SLC14A2: variants seen among roughly 807,000 people sequenced by gnomAD.
The protein encoded by SLC14A2 is urea transporter 2.
Under a neutral mutation model 104.6 loss-of-function variants are expected in SLC14A2, and 91 were observed. That is an observed-to-expected ratio of 0.87 (90% CI 0.73 to 1.04). SLC14A2 has a LOEUF of 1.04. SLC14A2 is among the 50% of genes least tolerant of loss of function. The pLI is 0.00. For missense variants in SLC14A2, 1,189 were observed against 1,156.0 expected, an observed-to-expected ratio of 1.03 and a Z score of -0.41; for synonymous variants, 476 against 466.4, an observed-to-expected ratio of 1.02 and a Z score of -0.27.
At chr18:45,414,749 AAAAAAAAAATATATAT>A (rs1160592919) in intron 1 of SLC14A2, among the ~76,000 whole-genome samples, 1 of 61,020 alleles carries the variant, frequency 1.6e-5, no homozygotes, top group African/African-American at 8.4e-5. Flanking sequence ...GAGCGTAAAA[AAAAAAAAAATATATAT>A]ATATATATAT....
chr18:45,505,510 T>A (rs2043268388), intron 2 of SLC14A2, among the ~76,000 whole-genome samples: 1 of 152,246 alleles, frequency 6.6e-6, no homozygotes, highest in South Asian at 2.1e-4. Flanking sequence ...GCAGGAACAA[T>A]CACTCTTTCA....
intron 1 of SLC14A2, among the ~76,000 whole-genome samples, chr18:45,279,525 C>T (rs1009622849): frequency 1.3e-5 from 2 of 152,086 alleles, no homozygotes; most frequent in African/African-American, 4.8e-5. Flanking sequence ...TCATCTACTA[C>T]TATTGGGTTT....
At chr18:45,500,421 C>CA (rs2043174837) in intron 2 of SLC14A2, among the ~76,000 whole-genome samples, 1 of 151,854 alleles carries the variant, frequency 6.6e-6, no homozygotes, top group Non-Finnish European at 1.5e-5. Flanking sequence ...ACTAAAAATA[C>CA]AAAAAATTAG....
chr18:45,284,961 T>C (rs1018704619), intron 1 of SLC14A2, among the ~76,000 whole-genome samples: 2 of 152,052 alleles, frequency 1.3e-5, no homozygotes, highest in African/African-American at 4.8e-5. Flanking sequence ...AACCACCTGA[T>C]GGGATAGAAA....
intron 1 of SLC14A2, among the ~76,000 whole-genome samples, chr18:45,213,384 A>G (rs887642545): frequency 6.6e-6 from 1 of 152,216 alleles, no homozygotes; most frequent in Non-Finnish European, 1.5e-5. Flanking sequence ...CAATTGTTTC[A>G]AAGAGATGAG....
At chr18:45,462,427 C>T (rs1011261107) in intron 1 of SLC14A2, among the ~76,000 whole-genome samples, 2 of 152,128 alleles carry the variant, frequency 1.3e-5, no homozygotes, top group African/African-American at 2.4e-5. Flanking sequence ...CCATAAATTC[C>T]CTAGCTTTAG....
intron 2 of SLC14A2, among the ~76,000 whole-genome samples, chr18:45,581,610 G>A (rs1160163881): frequency 2.6e-5 from 4 of 152,170 alleles, no homozygotes; most frequent in African/African-American, 9.7e-5. Flanking sequence ...GGTAAGTGGT[G>A]TATCTCCTCC....
At position 45,644,300 on chromosome 18, in the gene SLC14A2, T is replaced by C. The variant is rs558170259; in HGVS notation, c.1351+140T>C. 112 of 680,702 alleles carry C rather than the reference T, an allele frequency of 1.6e-4. No homozygotes were observed. The East Asian group carries it at 2.8e-3, about 17-fold the overall frequency. The allele number at this position is 680,702 out of a possible 1,614,324, so 42.2% of individuals were successfully genotyped here. ...ACCTGTGTAGAACCAAGCACACCTG[T>C]AACTTTCTTTCCCTGAAGCTGATTT... On this transcript the variant is annotated intron_variant, in intron 10 of 19. Coordinates refer to ENST00000255226, the MANE Select transcript of SLC14A2 (RefSeq NM_007163.4).
At chr18:45,458,891 G>T (rs1037358124) in intron 1 of SLC14A2, among the ~76,000 whole-genome samples, 1 of 152,106 alleles carries the variant, frequency 6.6e-6, no homozygotes, top group Non-Finnish European at 1.5e-5. Flanking sequence ...ATTTACAAGT[G>T]GTTTGGTGCA....
At chr18:45,376,526 G>C (rs574978290) in intron 1 of SLC14A2, among the ~76,000 whole-genome samples, 37 of 152,136 alleles carry the variant, frequency 2.4e-4, no homozygotes, top group Admixed American at 6.5e-4. Flanking sequence ...ACTGCTCCTA[G>C]TCCCCAGGAA....
chr18:45,215,317 C>T (rs2084000392), intron 1 of SLC14A2, among the ~76,000 whole-genome samples: 1 of 152,144 alleles, frequency 6.6e-6, no homozygotes, highest in Non-Finnish European at 1.5e-5. Flanking sequence ...AAAGTCAGCC[C>T]TGTTAAGTTT....
At chr18:45,414,757 A>AAAAAAAAAAATATATATATAT (rs1360051908) in intron 1 of SLC14A2, among the ~76,000 whole-genome samples, 1 of 76,122 alleles carries the variant, frequency 1.3e-5, no homozygotes, top group Non-Finnish European at 2.2e-5. Flanking sequence ...AAAAAAAAAA[A>AAAAAAAAAAATATATATATAT]ATATATATAT....
intron 2 of SLC14A2, among the ~76,000 whole-genome samples, chr18:45,577,675 A>T (rs577150105): frequency 5.5e-4 from 84 of 152,280 alleles, no homozygotes; most frequent in African/African-American, 1.9e-3. Flanking sequence ...AATGAAAATG[A>T]CAGGGGTTGA....
At chr18:45,466,789 A>G (rs2087151093) in intron 1 of SLC14A2, among the ~76,000 whole-genome samples, 1 of 151,952 alleles carries the variant, frequency 6.6e-6, no homozygotes, top group African/African-American at 2.4e-5. Context: ...GAGGCAGCCA[A>G]GCACCCTGTA....
intron 2 of SLC14A2, among the ~76,000 whole-genome samples, chr18:45,592,314 T>TAATA (rs2044660058): frequency 6.6e-6 from 1 of 152,190 alleles, no homozygotes; most frequent in South Asian, 2.1e-4. Flanking sequence ...GAAGCCTATA[T>TAATA]AATAAATAAA....
chr18:45,466,879 T>C (rs2087153102), intron 1 of SLC14A2, among the ~76,000 whole-genome samples: 1 of 152,156 alleles, frequency 6.6e-6, no homozygotes, highest in Non-Finnish European at 1.5e-5. Context: ...ACTGTGTGCC[T>C]GGCCCCACCT....
At chr18:45,433,844 AAAG>A (rs1158654325) in intron 1 of SLC14A2, among the ~76,000 whole-genome samples, 6 of 152,250 alleles carry the variant, frequency 3.9e-5, no homozygotes, top group African/African-American at 1.2e-4. Flanking sequence ...TTTAAAAAGA[AAAG>A]AAAGTGTGGC....
chr18:45,547,705 T>G (rs550761854), intron 2 of SLC14A2, among the ~76,000 whole-genome samples: 1 of 152,286 alleles, frequency 6.6e-6, no homozygotes, highest in South Asian at 2.1e-4. Flanking sequence ...TAGGAGATGA[T>G]GAAATGAGAT....
chr18:45,675,836 G>A (rs1221455924), intron 18 of SLC14A2, among the ~76,000 whole-genome samples: 2 of 150,960 alleles, frequency 1.3e-5, no homozygotes, highest in Non-Finnish European at 2.9e-5. Flanking sequence ...AAAAGAAGAA[G>A]TTGAGGCCAT....
Sources: gnomAD v4.1 joint callset for allele counts (sites outside exome capture counted in the v4.1 genomes callset) on GRCh38, gnomAD v4.1.1 for gene constraint, MANE v1.5 for transcripts, NCBI Gene and HGNC (gene_info 2026-07-23, HGNC 2026-07-21) for gene names.